Variants in TSNARE1 observed in about 807,000 individuals in gnomAD.
The protein encoded by TSNARE1 is t-SNARE domain containing 1.
Under a neutral mutation model 62.0 loss-of-function variants are expected in TSNARE1, and 49 were observed. That is an observed-to-expected ratio of 0.79 (90% CI 0.63 to 1.00). TSNARE1 has a LOEUF of 1.00. Ranked by LOEUF, TSNARE1 falls within the 50% of genes least tolerant of loss-of-function variation. The pLI, the probability that TSNARE1 is intolerant of heterozygous loss-of-function variation, is 0.00. For missense variants in TSNARE1, 755 were observed against 700.1 expected, an observed-to-expected ratio of 1.08 and a Z score of -0.88; for synonymous variants, 328 against 294.4, an observed-to-expected ratio of 1.11 and a Z score of -1.17.
Position 142,274,823 on chromosome 8 carries a change from CG to C in TSNARE1, c.1403del (p.Ala468GlyfsTer86). 1 of 1,580,612 alleles carries C rather than the reference CG, an allele frequency of 6.3e-7. No homozygotes were observed. The highest frequency in any genetic ancestry group is 2.4e-5 in the East Asian group (1 of 41,914). ...CAGCCAGGAGCTGGCGGGCTGCCTC[CG>C]CATGCGAGGACGCAGCCTCAAGGCT... is the stretch of plus-strand genomic sequence containing the variant. ...EASLEAASSH[A>X]EAARQLLAGA... On this transcript the variant is annotated frameshift_variant, in exon 12 of 14. Coordinates refer to ENST00000524325, the MANE Select transcript of TSNARE1 (RefSeq NM_145003.5). LOFTEE classifies it high-confidence loss of function.
chr8:142,379,245 C>T lies in TSNARE1; in HGVS notation c.-40+23859G>A, dbSNP rs1287763954. ...CCGCTGCCAGCAAGGACAGACCGTCCGTCACGGAGTAGGCACCACACCTCT... is the reference window on the plus strand; with the variant it reads ...CCGCTGCCAGCAAGGACAGACCGTCTGTCACGGAGTAGGCACCACACCTCT... On this transcript the variant is annotated intron_variant, in intron 1 of 13. Coordinates refer to ENST00000524325, the MANE Select transcript of TSNARE1 (RefSeq NM_145003.5). Among the ~76,000 whole-genome samples the T allele has an allele frequency of 5.3e-5, 8 of 152,240 alleles. No homozygotes were observed. In the South Asian group the frequency reaches 1.0e-3, roughly 20 times the overall value.
chr8:142,383,631 G>A (rs1230473842), intron 1 of TSNARE1, among the ~76,000 whole-genome samples: 2 of 152,190 alleles, frequency 1.3e-5, no homozygotes, highest in South Asian at 2.1e-4. Context: ...ACGGCAGGGG[G>A]CAGGAGTGTG....
chr8:142,315,292 C>T (rs916662908), intron 7 of TSNARE1, among the ~76,000 whole-genome samples, 200 bp from the exon 8 acceptor site: 3 of 151,918 alleles, frequency 2.0e-5, no homozygotes, highest in Admixed American at 6.6e-5. Flanking sequence ...CCACAAAATC[C>T]GGTGCAGGGG....
chr8:142,273,569 C>T (rs1195689609), intron 12 of TSNARE1: 1 of 985,282 alleles, frequency 1.0e-6, no homozygotes, highest in Non-Finnish European at 1.2e-6. Flanking sequence ...GTCTTGTCTC[C>T]CGGCCTGGCG....
At chr8:142,325,925 C>T (rs1830154602) in intron 6 of TSNARE1, 1 of 170,242 alleles carries the variant, frequency 5.9e-6, no homozygotes. Flanking sequence ...AGGGGAGGGC[C>T]CCGGAGAGCA....
intron 9 of TSNARE1, among the ~76,000 whole-genome samples, chr8:142,302,182 C>G (rs1825895958): frequency 6.6e-6 from 1 of 152,096 alleles, no homozygotes; most frequent in South Asian, 2.1e-4. Context: ...CTGCAGCCCT[C>G]AGGAGCAGAC....
At chr8:142,278,004 C>G (rs1231780458) in intron 11 of TSNARE1, 1 of 985,284 alleles carries the variant, frequency 1.0e-6, no homozygotes, top group South Asian at 4.7e-5. Flanking sequence ...AGAATCTGCC[C>G]TTCAGGAGAC....
intron 2 of TSNARE1, among the ~76,000 whole-genome samples, chr8:142,346,351 C>T (rs1184043470): frequency 6.6e-6 from 1 of 152,266 alleles, no homozygotes; most frequent in East Asian, 1.9e-4. Context: ...AGCAAAGCCA[C>T]ACTGCTGTCC....
At chr8:142,284,623 G>A (rs961264898) in intron 10 of TSNARE1, 138 bp from the exon 11 acceptor site, 14 of 697,624 alleles carry the variant, frequency 2.0e-5, no homozygotes, top group South Asian at 5.0e-5. Context: ...GCTGGGGACC[G>A]GCTGGTCTGT....
At chr8:142,340,263 C>A (rs1832388225) in intron 4 of TSNARE1, among the ~76,000 whole-genome samples, 1 of 152,216 alleles carries the variant, frequency 6.6e-6, no homozygotes, top group Non-Finnish European at 1.5e-5. Context: ...CTGGCCGAGG[C>A]ATGTCCCGTG....
At chr8:142,347,399 C>T (rs1249535432) in intron 2 of TSNARE1, among the ~76,000 whole-genome samples, 1 of 152,168 alleles carries the variant, frequency 6.6e-6, no homozygotes, top group African/African-American at 2.4e-5. Flanking sequence ...ATGAAGTGAG[C>T]CTCCAGCATG....
intron 6 of TSNARE1, among the ~76,000 whole-genome samples, chr8:142,328,878 A>G (rs1028020085): frequency 2.6e-5 from 4 of 151,162 alleles, no homozygotes; most frequent in African/African-American, 9.8e-5. Context: ...CTGGCCTTGC[A>G]TGGGATCAGA....
At chr8:142,348,994 A>G (rs1241821821) in intron 2 of TSNARE1, among the ~76,000 whole-genome samples, 1 of 152,148 alleles carries the variant, frequency 6.6e-6, no homozygotes, top group Non-Finnish European at 1.5e-5. Flanking sequence ...GAATTTGTCC[A>G]GGCCCCACCA....
intron 12 of TSNARE1, chr8:142,274,496 T>A (rs902378052): frequency 3.0e-6 from 3 of 985,214 alleles, no homozygotes; most frequent in Non-Finnish European, 2.4e-6. Flanking sequence ...CCAAGGGCCC[T>A]CCCCTCGGCT....
chr8:142,317,835 G>A (rs1349070764), intron 7 of TSNARE1, among the ~76,000 whole-genome samples: 1 of 152,196 alleles, frequency 6.6e-6, no homozygotes, highest in African/African-American at 2.4e-5. Context: ...ACGGGCGCCT[G>A]TAATCTCAGG....
At chr8:142,266,510 T>C (rs1460351848) in intron 12 of TSNARE1, among the ~76,000 whole-genome samples, 5 of 152,254 alleles carry the variant, frequency 3.3e-5, no homozygotes, top group Non-Finnish European at 7.3e-5. Context: ...AATTCTAAGT[T>C]GACAGCGACT....
chr8:142,377,936 G>A (rs1453940128), intron 1 of TSNARE1, among the ~76,000 whole-genome samples: 1 of 152,212 alleles, frequency 6.6e-6, no homozygotes, highest in African/African-American at 2.4e-5. Context: ...TAGTGATGTG[G>A]GTAAGTGCTC....
Position 142,389,023 on chromosome 8 carries a change from A to G in TSNARE1, c.-40+14081T>C, listed in dbSNP as rs550879008. The stretch of plus-strand genomic sequence containing the variant: ...AACATACCACAAAGCTACAGTAATC[A>G]AAACAGCATGGTGATGACATAAAAA... On this transcript the variant is annotated intron_variant, in intron 1 of 13. Transcript: ENST00000524325. Among the ~76,000 whole-genome samples the G allele has an allele frequency of 1.4e-4, 22 of 152,390 alleles. No individual in the cohort carries two copies. The South Asian group carries it at 4.1e-3, about 29-fold the overall frequency.
chr8:142,242,430 A>G (rs1259556621), intron 12 of TSNARE1, among the ~76,000 whole-genome samples: 1 of 152,264 alleles, frequency 6.6e-6, no homozygotes, highest in African/African-American at 2.4e-5. Flanking sequence ...GCATCAAACT[A>G]AAAAGCTTCT....
Sources: gnomAD v4.1 joint callset for allele counts (sites outside exome capture counted in the v4.1 genomes callset) on GRCh38, gnomAD v4.1.1 for gene constraint, MANE v1.5 for transcripts, NCBI Gene and HGNC (gene_info 2026-07-23, HGNC 2026-07-21) for gene names.